Variants in DPP10 observed in about 807,000 individuals in gnomAD.
The protein encoded by DPP10 is dipeptidyl peptidase like 10.
In DPP10, 33 loss-of-function variants were observed where a neutral mutation model predicts 120.9. The ratio of observed to expected loss-of-function variants is 0.27; its 90% CI spans 0.21 to 0.37. DPP10 has a LOEUF of 0.37. DPP10 is among the 10% of genes least tolerant of loss of function. DPP10 has a pLI of 1.00. For synonymous variants in DPP10, 337 were observed against 326.1 expected, an observed-to-expected ratio of 1.03 and a Z score of -0.36; for missense variants, 816 against 942.8, an observed-to-expected ratio of 0.87 and a Z score of 1.76.
intron 1 of DPP10, among the ~76,000 whole-genome samples, chr2:115,023,278 C>CA (rs565330542): frequency 6.1e-4 from 93 of 152,052 alleles, no homozygotes; most frequent in African/African-American, 2.1e-3. Flanking sequence ...CCAGAATCTA[C>CA]AAAAAACTCA....
intron 2 of DPP10, among the ~76,000 whole-genome samples, chr2:115,335,130 CTG>C (rs1323204812): frequency 6.6e-6 from 1 of 151,826 alleles, no homozygotes; most frequent in South Asian, 2.1e-4. Context: ...TGCAGGGAAA[CTG>C]CCATTTTTAA....
At chr2:114,552,581 T>G (rs187444366) in intron 1 of DPP10, among the ~76,000 whole-genome samples, 1 of 152,116 alleles carries the variant, frequency 6.6e-6, no homozygotes, top group Non-Finnish European at 1.5e-5. Context: ...GTCTTACTCT[T>G]ATTGCCCAGG....
In DPP10 at chr2:115,067,872, A is replaced by AG. The variant is rs1186241740; in HGVS notation, c.61-241367_61-241366insG. Among the ~76,000 whole-genome samples the AG allele has an allele frequency of 2.8e-4, 37 of 133,092 alleles. No individual in the cohort carries two copies. In the South Asian group the frequency reaches 6.5e-3, roughly 23 times the overall value. The allele number at this position is 133,092 out of a possible 152,430, so 87.3% of individuals were successfully genotyped here. A position where few individuals can be genotyped will look rare whatever the true frequency, so the allele number is the denominator to read the frequency against. On this transcript the variant is annotated intron_variant, in intron 1 of 25. Coordinates refer to ENST00000410059, the MANE Select transcript of DPP10 (RefSeq NM_020868.6). ...GCAAGACTCTGTCTCAAAAAAAAAA[A>AG]AAAAAAAAGAAAAAAAAGAAAAATA...
At chr2:115,467,358 G>C (rs994698541) in intron 3 of DPP10, among the ~76,000 whole-genome samples, 1 of 151,802 alleles carries the variant, frequency 6.6e-6, no homozygotes, top group Non-Finnish European at 1.5e-5. Flanking sequence ...TCAGGAGTTC[G>C]AGACCAGCCT....
chr2:115,629,381 G>A, intron 5 of DPP10, among the ~76,000 whole-genome samples: 1 of 151,912 alleles, frequency 6.6e-6, no homozygotes. Flanking sequence ...GATCCCTGAG[G>A]AATTGCCACA....
At chr2:115,345,443 A>G (rs2063664288) in intron 3 of DPP10, among the ~76,000 whole-genome samples, 1 of 152,192 alleles carries the variant, frequency 6.6e-6, no homozygotes, top group African/African-American at 2.4e-5. Flanking sequence ...AATTATGACA[A>G]TCACCTGTTT....
chr2:114,858,101 T>G (rs1303291044), intron 1 of DPP10, among the ~76,000 whole-genome samples: 1 of 152,188 alleles, frequency 6.6e-6, no homozygotes, highest in Non-Finnish European at 1.5e-5. Flanking sequence ...GCAGTTCTCC[T>G]GCCTCAGCCT....
intron 12 of DPP10, among the ~76,000 whole-genome samples, chr2:115,766,092 T>G (rs1381758134): frequency 1.3e-4 from 20 of 151,802 alleles, no homozygotes; most frequent in Non-Finnish European, 1.2e-4. Flanking sequence ...GATGCAGTAG[T>G]GAAAAATACA....
intron 5 of DPP10, among the ~76,000 whole-genome samples, chr2:115,687,411 C>T (rs1014341753): frequency 1.3e-5 from 2 of 151,612 alleles, no homozygotes; most frequent in Non-Finnish European, 2.9e-5. Flanking sequence ...GGAAAGTGTT[C>T]TAAACTCAGA....
intron 1 of DPP10, among the ~76,000 whole-genome samples, chr2:114,859,010 C>G (rs996948526): frequency 4.0e-5 from 6 of 151,892 alleles, no homozygotes; most frequent in Non-Finnish European, 8.8e-5. Flanking sequence ...TGTGTGTATG[C>G]AGTGTCATGA....
chr2:114,777,266 G>A (rs1328786114), intron 1 of DPP10, among the ~76,000 whole-genome samples: 2 of 152,096 alleles, frequency 1.3e-5, no homozygotes, highest in South Asian at 4.2e-4. Flanking sequence ...TGCAGCCTAG[G>A]AAACACTGTC....
At chr2:114,906,309 G>A (rs1014908981) in intron 1 of DPP10, among the ~76,000 whole-genome samples, 8 of 151,936 alleles carry the variant, frequency 5.3e-5, no homozygotes, top group African/African-American at 1.9e-4. Context: ...GCTCAAACCT[G>A]GGAGGTGGAG....
intron 3 of DPP10, among the ~76,000 whole-genome samples, chr2:115,452,850 G>A (rs1032326277): frequency 1.3e-5 from 2 of 151,720 alleles, no homozygotes; most frequent in Middle Eastern, 3.2e-3. Flanking sequence ...TCGTTTAGTA[G>A]GTCAGATTCT....
chr2:115,603,375 C>T lies in DPP10; in HGVS notation c.441+77403C>T, dbSNP rs17044763. Among the ~76,000 whole-genome samples the T allele has an allele frequency of 8.7e-3, 1,099 of 126,784 alleles. 15 individuals carry two copies. Among genetic ancestry groups the T allele is most frequent in the African/African-American group, 0.031 (1,062 of 34,230 alleles). The allele number at this position is 126,784 out of a possible 152,430, so 83.2% of individuals were successfully genotyped here. On this transcript the variant is annotated intron_variant, in intron 5 of 25. Transcript: ENST00000410059. Reference sequence around the variant, plus strand: ...AAAAGAAACAAAACCCAACTCTAGTCTTCATGACAGTGGCAGTGACCAGGA... The same window carrying T: ...AAAAGAAACAAAACCCAACTCTAGTTTTCATGACAGTGGCAGTGACCAGGA...
intron 9 of DPP10, among the ~76,000 whole-genome samples, chr2:115,743,849 T>G (rs1394535029): frequency 6.6e-6 from 1 of 150,622 alleles, no homozygotes; most frequent in Non-Finnish European, 1.5e-5. Flanking sequence ...TTCATGGACT[T>G]ACACATTAAG....
At chr2:115,495,171 A>G (rs113304170) in intron 3 of DPP10, among the ~76,000 whole-genome samples, 1,661 of 152,120 alleles carry the variant, frequency 0.011, 39 homozygotes, top group African/African-American at 0.038. Flanking sequence ...AGGGTTGGAA[A>G]TCTAGGTTTG....
intron 1 of DPP10, among the ~76,000 whole-genome samples, chr2:114,592,463 A>G (rs1691542079): frequency 6.6e-6 from 1 of 152,160 alleles, no homozygotes; most frequent in Non-Finnish European, 1.5e-5. Context: ...CAGCATTGAG[A>G]TTTTAATTTG....
intron 2 of DPP10, among the ~76,000 whole-genome samples, chr2:115,335,415 A>C (rs2063064479): frequency 6.6e-6 from 1 of 152,026 alleles, no homozygotes; most frequent in South Asian, 2.1e-4. Context: ...CTAGGTGATA[A>C]GTTAGGAAAC....
At chr2:115,365,800 C>T (rs1437008144) in intron 3 of DPP10, among the ~76,000 whole-genome samples, 1 of 152,018 alleles carries the variant, frequency 6.6e-6, no homozygotes, top group Non-Finnish European at 1.5e-5. Context: ...CTACTGCTCA[C>T]CACCATCCAC....
Sources: allele counts gnomAD v4.1 joint callset (sites outside exome capture counted in the v4.1 genomes callset), GRCh38; gene constraint gnomAD v4.1.1; transcripts MANE v1.5; gene names NCBI Gene and HGNC (gene_info 2026-07-23, HGNC 2026-07-21).